The following LCLAT1 variants were observed in gnomAD, a reference collection of about 807,000 sequenced individuals.
LCLAT1 encodes the protein lysocardiolipin acyltransferase 1.
Under a neutral mutation model 30.7 loss-of-function variants are expected in LCLAT1, and 11 were observed. The ratio of observed to expected loss-of-function variants is 0.36; its 90% confidence interval spans 0.23 to 0.59. The LOEUF is 0.59. Ranked by LOEUF, LCLAT1 falls within the 20% of genes least tolerant of loss-of-function variation. LCLAT1 has a pLI of 0.77. For missense variants in LCLAT1, 402 were observed against 458.6 expected (o/e 0.88, Z 1.13); for synonymous variants, 155 against 151.3 (o/e 1.02, Z -0.18).
chr2:30,575,292 G>A (rs911449784), intron 5 of LCLAT1, among the ~76,000 whole-genome samples: 1 of 151,728 alleles, frequency 6.6e-6, no homozygotes, highest in Non-Finnish European at 1.5e-5. Flanking sequence ...TTGGACTTGA[G>A]CTCCTTTAGG....
chr2:30,479,259 T>A (rs1683209020), intron 1 of LCLAT1, among the ~76,000 whole-genome samples: 1 of 151,982 alleles, frequency 6.6e-6, no homozygotes, highest in Non-Finnish European at 1.5e-5. Flanking sequence ...GGACAGGGTC[T>A]CATTCAGTCA....
At chr2:30,590,509 G>A (rs1666641828) in intron 5 of LCLAT1, among the ~76,000 whole-genome samples, 1 of 145,504 alleles carries the variant, frequency 6.9e-6, no homozygotes, top group African/African-American at 2.5e-5. Context: ...ATGTGAAGGT[G>A]GACATATTTT....
intron 1 of LCLAT1, among the ~76,000 whole-genome samples, chr2:30,461,770 C>CTTTTTTTTTTTTTTTTTTTT (rs1553354407): frequency 7.6e-6 from 1 of 131,800 alleles, no homozygotes; most frequent in African/African-American, 2.7e-5. Context: ...CTAAATTAAA[C>CTTTTTTTTTTTTTTTTTTTT]TTTTTTTTTT....
intron 5 of LCLAT1, among the ~76,000 whole-genome samples, chr2:30,577,219 T>G (rs1666032820): frequency 6.6e-6 from 1 of 152,022 alleles, no homozygotes; most frequent in Non-Finnish European, 1.5e-5. Context: ...TGAGCAAAAC[T>G]AGTCCAGGTT....
At chr2:30,488,220 C>G (rs1351054310) in intron 1 of LCLAT1, among the ~76,000 whole-genome samples, 1 of 152,198 alleles carries the variant, frequency 6.6e-6, no homozygotes, top group Non-Finnish European at 1.5e-5. Flanking sequence ...GGTCTAGAGA[C>G]TGTGAATCAC....
chr2:30,501,906 T>C (rs912202541), intron 1 of LCLAT1, among the ~76,000 whole-genome samples: 2 of 152,250 alleles, frequency 1.3e-5, no homozygotes, highest in African/African-American at 4.8e-5. Flanking sequence ...TTTTATACTT[T>C]ATGTTAGTGG....
chr2:30,486,981 A>G (rs1683588938), intron 1 of LCLAT1, among the ~76,000 whole-genome samples: 1 of 152,226 alleles, frequency 6.6e-6, no homozygotes, highest in Non-Finnish European at 1.5e-5. Flanking sequence ...TACTTTCTCT[A>G]GGTAGTTCCT....
rs539285138 is a variant in LCLAT1 at position 30,606,288 on chromosome 2, T to G, written c.629-33829T>G. 3.2e-3 allele frequency: 978 copies of G among 308,416 alleles called. 8 individuals carry two copies. The highest frequency in any genetic ancestry group is 0.021 in the African/African-American group (908 of 42,836). 19.1% of individuals were successfully genotyped at this position (308,416 alleles called of 1,614,324 possible). A position where few individuals can be genotyped will look rare whatever the true frequency, so the allele number is the denominator to read the frequency against. ...AAAGCCCATATAGCCAAGACAATCT[T>G]AAGCAAAAAGAACACAGCTGGAGGC... On this transcript the variant is annotated intron_variant, in intron 5 of 5. Transcript: ENST00000379509.
chr2:30,621,664 T>C (rs908202280), intron 5 of LCLAT1, among the ~76,000 whole-genome samples: 1 of 152,114 alleles, frequency 6.6e-6, no homozygotes, highest in Non-Finnish European at 1.5e-5. Context: ...TCTTGTGAGA[T>C]GGATTTGACC....
At chr2:30,537,545 C>T (rs187401479) in intron 3 of LCLAT1, among the ~76,000 whole-genome samples, 3 of 149,814 alleles carry the variant, frequency 2.0e-5, no homozygotes, top group Non-Finnish European at 4.4e-5. Flanking sequence ...CACACACACA[C>T]GCACGCACAC....
chr2:30,569,950 AC>A (rs890543382), intron 5 of LCLAT1, among the ~76,000 whole-genome samples: 23 of 152,224 alleles, frequency 1.5e-4, no homozygotes, highest in African/African-American at 5.5e-4. Flanking sequence ...AGGCACGAAG[AC>A]ATTCAAGCAG....
At chr2:30,505,549 A>G (rs545731964) in intron 1 of LCLAT1, among the ~76,000 whole-genome samples, 1 of 152,224 alleles carries the variant, frequency 6.6e-6, no homozygotes, top group South Asian at 2.1e-4. Flanking sequence ...GACTATTGTC[A>G]TAACATACAT....
At chr2:30,485,113 A>G (rs550031583) in intron 1 of LCLAT1, among the ~76,000 whole-genome samples, 38 of 152,192 alleles carry the variant, frequency 2.5e-4, no homozygotes, top group Non-Finnish European at 4.9e-4. Flanking sequence ...ACCAGTGAAT[A>G]ATTGCATATT....
intron 1 of LCLAT1, among the ~76,000 whole-genome samples, chr2:30,524,283 G>A (rs1005590111): frequency 1.3e-4 from 20 of 152,144 alleles, no homozygotes; most frequent in Non-Finnish European, 2.6e-4. Context: ...AAGAGTCTAA[G>A]TTCTACTTAA....
chr2:30,574,646 A>G (rs1400060435), intron 5 of LCLAT1, among the ~76,000 whole-genome samples: 2 of 152,204 alleles, frequency 1.3e-5, no homozygotes, highest in South Asian at 2.1e-4. Context: ...CTCTAAAGGT[A>G]CGGGTAGACT....
At chr2:30,555,974 G>C (rs1040051932) in intron 3 of LCLAT1, among the ~76,000 whole-genome samples, 1 of 151,668 alleles carries the variant, frequency 6.6e-6, no homozygotes, top group African/African-American at 2.4e-5. Context: ...AATAGCTGGG[G>C]CAATAGAGAC....
intron 1 of LCLAT1, among the ~76,000 whole-genome samples, chr2:30,477,701 G>A (rs1323361208): frequency 6.6e-6 from 1 of 152,156 alleles, no homozygotes; most frequent in East Asian, 1.9e-4. Flanking sequence ...AGGAATGTGA[G>A]AAGAAATTAA....
rs34283582 is a variant in LCLAT1 at position 30,623,046 on chromosome 2, ATTTTT to A, written c.629-17050_629-17046del. The stretch of plus-strand genomic sequence containing the variant: ...AGAAAGGTGAATACCAATTCAAAGA[ATTTTT>A]TTTTTTTTTTTTTTTTTTTTGAGAC... On this transcript the variant is annotated intron_variant, in intron 5 of 5. Coordinates refer to ENST00000379509, the MANE Select transcript of LCLAT1 (RefSeq NM_001002257.3). Among the ~76,000 whole-genome samples, 83 of 83,244 alleles carry A rather than the reference ATTTTT, an allele frequency of 1.0e-3. 1 individual carries two copies. In the South Asian group the frequency reaches 0.011, roughly 12 times the overall value. 54.6% of individuals were successfully genotyped at this position (83,244 alleles called of 152,430 possible).
At chr2:30,599,371 G>A (rs971540617) in intron 5 of LCLAT1, among the ~76,000 whole-genome samples, 12 of 152,176 alleles carry the variant, frequency 7.9e-5, no homozygotes, top group African/African-American at 2.9e-4. Context: ...CACTTGCTGA[G>A]GAGTGTTTTA....
Sources: gnomAD v4.1 joint callset for allele counts (sites outside exome capture counted in the v4.1 genomes callset) on GRCh38, gnomAD v4.1.1 for gene constraint, MANE v1.5 for transcripts, NCBI Gene and HGNC (gene_info 2026-07-23, HGNC 2026-07-21) for gene names.